The following MAPKAPK5 variants were observed in gnomAD, a reference collection of about 807,000 sequenced individuals.
MAPKAPK5 encodes the protein MAPK activated protein kinase 5, also known as MAP kinase-activated protein kinase 5.
A neutral mutation model predicts 65.1 loss-of-function variants in MAPKAPK5; 30 were observed. The ratio of observed to expected loss-of-function variants is 0.46; its 90% CI spans 0.34 to 0.63. The LOEUF is 0.63. MAPKAPK5 is among the 20% of genes least tolerant of loss of function. The pLI is 0.01. For synonymous variants in MAPKAPK5, 179 were observed against 204.6 expected (o/e 0.87, Z 1.07); for missense variants, 433 against 581.4 (o/e 0.74, Z 2.63).
intron 1 of MAPKAPK5, among the ~76,000 whole-genome samples, chr12:111,863,169 A>G (rs2069498458): frequency 6.6e-6 from 1 of 152,160 alleles, no homozygotes; most frequent in Non-Finnish European, 1.5e-5. Context: ...TATAGCCTAG[A>G]TAGTGCCCAT....
rs1038555393 is a variant in MAPKAPK5 at position 111,856,685 on chromosome 12, G to T, written c.37-8565G>T. ...GCCTCCCAAAATGCCAGGGTTACAG[G>T]TGTGAGCCACTGTGCTCAGCCTTCT... On this transcript the variant is annotated intron_variant, in intron 1 of 13. Coordinates refer to ENST00000550735, the MANE Select transcript of MAPKAPK5 (RefSeq NM_003668.4). 1.7e-4 allele frequency among the ~76,000 whole-genome samples: 26 copies of T among 152,110 alleles called. 1 individual carries two copies. Among genetic ancestry groups the T allele is most frequent in the Admixed American group, 1.3e-4 (2 of 15,250 alleles).
chr12:111,882,606 A>G (rs554208916), intron 8 of MAPKAPK5, among the ~76,000 whole-genome samples: 1 of 152,224 alleles, frequency 6.6e-6, no homozygotes, highest in Non-Finnish European at 1.5e-5. Flanking sequence ...TAACTAAAAT[A>G]GGAGTCCTTT....
chr12:111,854,173 T>C (rs2069167927), intron 1 of MAPKAPK5, among the ~76,000 whole-genome samples: 1 of 152,146 alleles, frequency 6.6e-6, no homozygotes. Context: ...AGTTAGAAAG[T>C]ATACCCTCCT....
At chr12:111,867,719 T>A (rs771061005) in intron 4 of MAPKAPK5, 50 bp downstream of exon 4, 39 of 1,380,718 alleles carry the variant, frequency 2.8e-5, no homozygotes, top group Non-Finnish European at 3.1e-6. Flanking sequence ...GGCCAATGTG[T>A]AGTGGAGCTG....
rs1447642287 is a variant in MAPKAPK5, at chr12:111,890,638, A to C, written c.1321+494A>C. Among the ~76,000 whole-genome samples, 4 of 152,116 alleles carry C rather than the reference A, an allele frequency of 2.6e-5. No individual in the cohort carries two copies. The South Asian group carries it at 8.3e-4, about 32-fold the overall frequency. On this transcript the variant is annotated intron_variant, in intron 13 of 13. Coordinates refer to ENST00000550735, the MANE Select transcript of MAPKAPK5 (RefSeq NM_003668.4). ...TTAAGTTTTTTTCCCGAAGCAAATA[A>C]GGTAGAGATGAATTTCTTGAACTGC...
chr12:111,891,200 T>C (rs1462593002), intron 13 of MAPKAPK5, among the ~76,000 whole-genome samples: 1 of 151,202 alleles, frequency 6.6e-6, no homozygotes, highest in East Asian at 2.0e-4. Context: ...CTCATGCGAT[T>C]CTCCCACCCC....
chr12:111,881,444 G>A (rs182375202), intron 8 of MAPKAPK5, among the ~76,000 whole-genome samples: 4 of 128,100 alleles, frequency 3.1e-5, no homozygotes, highest in Admixed American at 1.8e-4. Flanking sequence ...TTACCCTGTC[G>A]CCCAGGCTGG....
chr12:111,879,142 T>G (rs532501157), intron 7 of MAPKAPK5, among the ~76,000 whole-genome samples: 1 of 152,334 alleles, frequency 6.6e-6, no homozygotes, highest in East Asian at 1.9e-4. Flanking sequence ...TCTTCTGACC[T>G]ATGAGCAAGC....
chr12:111,877,678 A>G (rs189411753), intron 7 of MAPKAPK5, among the ~76,000 whole-genome samples: 1 of 152,020 alleles, frequency 6.6e-6, no homozygotes, highest in East Asian at 1.9e-4. Flanking sequence ...TCAGATATGA[A>G]TTCCTTTCTT....
At chr12:111,887,611 G>A (rs1317808065) in intron 10 of MAPKAPK5, 1 of 152,158 alleles carries the variant, frequency 6.6e-6, no homozygotes, top group African/African-American at 2.4e-5. Context: ...AGCGGCAGAG[G>A]TTGCAGTGAG....
At chr12:111,864,357 C>T (rs1265969303) in intron 1 of MAPKAPK5, among the ~76,000 whole-genome samples, 1 of 152,126 alleles carries the variant, frequency 6.6e-6, no homozygotes, top group East Asian at 1.9e-4. Flanking sequence ...CGCGCCACCA[C>T]GCCCAGCTAA....
intron 7 of MAPKAPK5, among the ~76,000 whole-genome samples, chr12:111,878,840 AT>A (rs1206236596): frequency 1.3e-5 from 2 of 152,092 alleles, no homozygotes; most frequent in African/African-American, 4.8e-5. Context: ...GTGTGAATTT[AT>A]TTTTGGACTC....
intron 1 of MAPKAPK5, among the ~76,000 whole-genome samples, chr12:111,864,281 G>A (rs1351322434): frequency 2.6e-5 from 4 of 151,742 alleles, no homozygotes; most frequent in African/African-American, 9.7e-5. Flanking sequence ...GCTCACTGCA[G>A]TCTCCACCTC....
chr12:111,874,099 T>C (rs1171324634), intron 7 of MAPKAPK5, among the ~76,000 whole-genome samples: 1 of 152,194 alleles, frequency 6.6e-6, no homozygotes, highest in Admixed American at 6.5e-5. Flanking sequence ...GGAAATGATA[T>C]TGTAAAACAT....
In MAPKAPK5 at chr12:111,842,655, C is replaced by T; in HGVS notation, c.-79C>T. 9.0e-7 allele frequency: 1 copy of T among 1,107,412 alleles called. No individual in the cohort carries two copies. The highest frequency in any genetic ancestry group is 1.2e-6 in the Non-Finnish European group (1 of 850,370). 68.6% of individuals were successfully genotyped at this position (1,107,412 alleles called of 1,614,324 possible). ...GAGGCCCAGGGGCCCGAGTGCCGAGCCCTTTGCTCCCTCGGCCGCGCGGGG... is the reference window on the plus strand; with the variant it reads ...GAGGCCCAGGGGCCCGAGTGCCGAGTCCTTTGCTCCCTCGGCCGCGCGGGG... On this transcript the variant is annotated 5_prime_UTR_variant, in exon 1 of 14. Transcript: ENST00000550735.
intron 1 of MAPKAPK5, among the ~76,000 whole-genome samples, chr12:111,859,655 T>TTC (rs1474114539): frequency 2.7e-5 from 4 of 148,266 alleles, no homozygotes; most frequent in African/African-American, 2.5e-5. Flanking sequence ...TGCTTTTCTT[T>TTC]TTTTTTTTTT....
intron 8 of MAPKAPK5, among the ~76,000 whole-genome samples, chr12:111,881,584 T>G (rs915064979): frequency 2.0e-5 from 3 of 151,714 alleles, no homozygotes. Flanking sequence ...TTTTGTATTT[T>G]TAGGAGAGAT....
intron 5 of MAPKAPK5, 57 bp from the exon 6 acceptor site, chr12:111,870,214 G>T: frequency 8.3e-7 from 1 of 1,206,770 alleles, no homozygotes; most frequent in Admixed American, 1.9e-5. Flanking sequence ...TCTACGCCAG[G>T]TGTATTAAAG....
At chr12:111,867,860 CAG>C (rs2069663189) in intron 4 of MAPKAPK5, among the ~76,000 whole-genome samples, 191 bp downstream of exon 4, 1 of 152,188 alleles carries the variant, frequency 6.6e-6, no homozygotes, top group Non-Finnish European at 1.5e-5. Context: ...TAAAAGCAGA[CAG>C]AATTATGTAA....
Sources: gnomAD v4.1 joint callset for allele counts (sites outside exome capture counted in the v4.1 genomes callset) on GRCh38, gnomAD v4.1.1 for gene constraint, MANE v1.5 for transcripts, NCBI Gene and HGNC (gene_info 2026-07-23, HGNC 2026-07-21) for gene names.